TWNK: variants seen among roughly 807,000 people sequenced by gnomAD.
The protein encoded by TWNK is T7 gp4-like protein with intramitochondrial nucleoid localization.
Under a neutral mutation model 58.2 loss-of-function variants are expected in TWNK, and 36 were observed. That is an observed-to-expected ratio of 0.62 (90% CI 0.47 to 0.82). The LOEUF is 0.82. TWNK is among the 40% of genes least tolerant of loss of function. The pLI is 0.00. For missense variants in TWNK, 714 were observed against 881.0 expected (o/e 0.81, Z 2.40); for synonymous variants, 349 against 348.5 (o/e 1.00, Z -0.02).
Position 100,991,001 on chromosome 10 carries a change from C to T in TWNK, c.1725C>T (p.Gly575=), listed in dbSNP as rs887762493. The change falls in exon 4 of 5, where the codon GGC becomes GGT. Residue 575 remains glycine, a synonymous_variant. Transcript: ENST00000311916. ...DKELQTASIF[G]SAKASQEADN... is the part of the protein sequence containing the mutation. ...AACTGCAGACAGCGTCCATTTTTGG[C>T]TCAGCCAAAGTGAGTGGCCTTTAGC... The T allele has an allele frequency of 1.2e-6, 2 of 1,614,170 alleles. No individual in the cohort carries two copies. The highest frequency in any genetic ancestry group is 3.3e-5 in the Admixed American group (2 of 60,032).
Position 100,990,299 on chromosome 10 carries a change from C to A in TWNK, c.1485-137C>A, listed in dbSNP as rs939518828. On this transcript the variant is annotated intron_variant, in intron 2 of 4. Coordinates refer to ENST00000311916, the MANE Select transcript of TWNK (RefSeq NM_021830.5). ...CTGCACTCCAGCCTGGGCTACAGAG[C>A]AAGACCTTGTCTCAAATAATAGTAA... 1.4e-5 allele frequency: 11 copies of A among 776,244 alleles called. No homozygotes were observed. The African/African-American group carries it at 1.7e-4, about 12-fold the overall frequency. The allele number at this position is 776,244 out of a possible 1,614,324, so 48.1% of individuals were successfully genotyped here. A position where few individuals can be genotyped will look rare whatever the true frequency, so the allele number is the denominator to read the frequency against.
chr10:100,991,066 CA>C (rs1564810272), intron 4 of TWNK, 56 bp downstream of exon 4: 1 of 1,610,974 alleles, frequency 6.2e-7, no homozygotes, highest in East Asian at 2.2e-5. Context: ...TAGGTGTGAC[CA>C]GGGACAGCCC....
At chr10:100,990,267 C>G (rs962256455) in intron 2 of TWNK, among the ~76,000 whole-genome samples, 169 bp from the exon 3 acceptor site, 1 of 152,192 alleles carries the variant, frequency 6.6e-6, no homozygotes, top group Non-Finnish European at 1.5e-5. Flanking sequence ...GAGCTGTGAT[C>G]ACACCACTGC....
intron 4 of TWNK, among the ~76,000 whole-genome samples, chr10:100,992,490 C>CA (rs1232968891): frequency 2.3e-5 from 3 of 131,656 alleles, no homozygotes; most frequent in Non-Finnish European, 4.6e-5. Context: ...GCTGGGATTA[C>CA]AGGCGTGAGC....
Position 100,987,827 on chromosome 10 carries a change from C to T in TWNK, c.-384C>T. 1.7e-6 allele frequency: 1 copy of T among 588,536 alleles called. No homozygotes were observed. The highest frequency in any genetic ancestry group is 2.1e-5 in the South Asian group (1 of 46,534). 36.5% of individuals were successfully genotyped at this position (588,536 alleles called of 1,614,324 possible). A position where few individuals can be genotyped will look rare whatever the true frequency, so the allele number is the denominator to read the frequency against. ...GGGCAAAGGGACTACAAAAAGGATG[C>T]AGATGACTATAGAAATGAGGACGAC... On this transcript the variant is annotated 5_prime_UTR_variant, in exon 1 of 5. An upstream open reading frame in the 5' UTR gains an earlier in-frame stop. Transcript: ENST00000311916.
At chr10:100,991,241 T>G in intron 4 of TWNK, 1 of 602,274 alleles carries the variant, frequency 1.7e-6, no homozygotes, top group South Asian at 2.0e-5. Flanking sequence ...GGGGAAACAG[T>G]AAGACAGTGA....
rs766874202 is a variant in TWNK, at chr10:100,989,383, C to T, written c.1173C>T (p.Arg391=). 6.2e-7 allele frequency: 1 copy of T among 1,614,186 alleles called. No homozygotes were observed. Among genetic ancestry groups the T allele is most frequent in the Admixed American group, 1.7e-5 (1 of 60,034 alleles). ...LSNVEQAAGL[R]WSRFPDLNRI... ...ATGTGGAGCAAGCAGCTGGCCTCCGCTGGAGCCGCTTTCCAGACCTCAATC... is the reference window on the plus strand; with the variant it reads ...ATGTGGAGCAAGCAGCTGGCCTCCGTTGGAGCCGCTTTCCAGACCTCAATC... The change falls in exon 1 of 5, where the codon CGC becomes CGT. Residue 391 remains arginine (R), a synonymous_variant. Transcript: ENST00000311916. This position sits in a 1 kb window ranked among gnomAD's most constrained non-coding sequence, Gnocchi z 7.6.
In TWNK at chr10:100,987,778, A is replaced by G. The variant is rs1271535735; in HGVS notation, c.-433A>G. The G allele has an allele frequency of 1.5e-5, 9 of 582,106 alleles. No individual in the cohort carries two copies. 36.1% of individuals were successfully genotyped at this position (582,106 alleles called of 1,614,324 possible). A position where few individuals can be genotyped will look rare whatever the true frequency, so the allele number is the denominator to read the frequency against. On this transcript the variant is annotated 5_prime_UTR_variant, in exon 1 of 5. Transcript: ENST00000311916. ...TCCCAGTGAGGGGAAGGAGAAGCGG[A>G]AGAGGGTCTCTAGTCGGGGCCTAGG... is the stretch of plus-strand genomic sequence containing the variant.
At chr10:100,991,183 G>A in intron 4 of TWNK, 173 bp downstream of exon 4, 1 of 975,232 alleles carries the variant, frequency 1.0e-6, no homozygotes, top group Non-Finnish European at 1.5e-6. Flanking sequence ...AAGGCTGATA[G>A]TTGGTTCTTA....
rs978916544 is a variant in TWNK, at chr10:100,993,665, A to G, written c.*155A>G. ...CAGGTTTCCATAGTGAGAAAATTCA[A>G]TGTAGCAGACTACTGAGAAACTACT... On this transcript the variant is annotated 3_prime_UTR_variant, in exon 5 of 5. Coordinates refer to ENST00000311916, the MANE Select transcript of TWNK (RefSeq NM_021830.5). 30 of 803,216 alleles carry G rather than the reference A, an allele frequency of 3.7e-5. 1 individual carries two copies. The highest frequency in any genetic ancestry group is 3.1e-4 in the Middle Eastern group (1 of 3,278). 49.8% of individuals were successfully genotyped at this position (803,216 alleles called of 1,614,324 possible).
In TWNK at chr10:100,988,967, A is replaced by T. The variant is rs1851676734; in HGVS notation, c.757A>T (p.Ile253Phe). 6.2e-7 allele frequency: 1 copy of T among 1,613,980 alleles called. No homozygotes were observed. The highest frequency in any genetic ancestry group is 8.5e-7 in the Non-Finnish European group (1 of 1,180,026). The change falls in exon 1 of 5, where the codon ATT becomes TTT. Residue 253 changes from isoleucine (I) to phenylalanine (F), a missense_variant. By Grantham distance (21) the Ile-to-Phe change is conservative. Coordinates refer to ENST00000311916, the MANE Select transcript of TWNK (RefSeq NM_021830.5). The surrounding 1 kb of genome is among the most constrained non-coding windows in gnomAD (Gnocchi z 5.2). ...CCACAATCTGTTTGGATTACCACTG[A>T]TTAGTCGTCGAGATGCTGAGGTGGT... ...AYHNLFGLPL[I>F]SRRDAEVVLT...
rs80356544 is a variant in TWNK, at chr10:100,989,770, C to T, written c.1370C>T (p.Thr457Ile). ...SNVRLARVML[T>I]QFAEGRLEDQ... is the part of the protein sequence containing the mutation. Reference sequence around the variant, plus strand: ...GTGAGACTAGCCCGGGTCATGCTGACACAGTTTGCCGAGGGGCGGCTGGAA... The same window carrying T: ...GTGAGACTAGCCCGGGTCATGCTGATACAGTTTGCCGAGGGGCGGCTGGAA... The change falls in exon 2 of 5, where the codon ACA becomes ATA. Residue 457 changes from threonine to isoleucine, a missense_variant. Transcript: ENST00000311916. This position sits in a 1 kb window ranked among gnomAD's most constrained non-coding sequence, Gnocchi z 7.6. The T allele has an allele frequency of 1.2e-6, 2 of 1,614,118 alleles. No homozygotes were observed. Among genetic ancestry groups the T allele is most frequent in the Non-Finnish European group, 1.7e-6 (2 of 1,180,060 alleles).
At position 100,987,829 on chromosome 10, in the gene TWNK, G is replaced by A. The variant is rs118036649; in HGVS notation, c.-382G>A. On this transcript the variant is annotated 5_prime_UTR_variant, in exon 1 of 5. Coordinates refer to ENST00000311916, the MANE Select transcript of TWNK (RefSeq NM_021830.5). ...GCAAAGGGACTACAAAAAGGATGCA[G>A]ATGACTATAGAAATGAGGACGACGA... 3.9e-5 allele frequency: 23 copies of A among 590,706 alleles called. No homozygotes were observed. The highest frequency in any genetic ancestry group is 1.7e-4 in the East Asian group (6 of 35,732). 36.6% of individuals were successfully genotyped at this position (590,706 alleles called of 1,614,324 possible).
chr10:100,988,095 C>G lies in TWNK; in HGVS notation c.-116C>G. ...AAATTCATGGAGAGAAAGAATGCAC[C>G]TAGAGTGAGCTCTGCAGAGTGCTGC... is the stretch of plus-strand genomic sequence containing the variant. On this transcript the variant is annotated 5_prime_UTR_variant, in exon 1 of 5. Coordinates refer to ENST00000311916, the MANE Select transcript of TWNK (RefSeq NM_021830.5). This position sits in a 1 kb window ranked among gnomAD's most constrained non-coding sequence, Gnocchi z 5.2. The G allele has an allele frequency of 8.4e-7, 1 of 1,193,568 alleles. No homozygotes were observed. Among genetic ancestry groups the G allele is most frequent in the Non-Finnish European group, 1.2e-6 (1 of 801,062 alleles). 73.9% of individuals were successfully genotyped at this position (1,193,568 alleles called of 1,614,324 possible).
At chr10:100,993,054 G>C in intron 4 of TWNK, 136 bp from the exon 5 acceptor site, 2 of 912,502 alleles carry the variant, frequency 2.2e-6, no homozygotes, top group Middle Eastern at 3.3e-4. Context: ...CCAAAGTTCT[G>C]GGATTACAGG....
At position 100,993,258 on chromosome 10, in the gene TWNK, G is replaced by T. The variant is rs1474651111; in HGVS notation, c.1803G>T (p.Arg601=). The T allele has an allele frequency of 6.8e-6, 11 of 1,614,210 alleles. No homozygotes were observed. The highest frequency in any genetic ancestry group is 2.2e-5 in the East Asian group (1 of 44,890). The change falls in exon 5 of 5, where the codon CGG becomes CGT. Residue 601 remains arginine, a synonymous_variant. Transcript: ENST00000311916. ...DRKLVTGPGK[R]YLQVSKNRFD... is the part of the protein sequence containing the mutation. The stretch of plus-strand genomic sequence containing the variant: ...AGCTGGTAACCGGGCCAGGGAAACG[G>T]TATCTGCAGGTGTCCAAGAACCGCT...
In TWNK at chr10:100,988,951, G is replaced by A; in HGVS notation, c.741G>A (p.Leu247=). The change falls in exon 1 of 5, where the codon CTG becomes CTA. Residue 247 remains leucine, a synonymous_variant. Coordinates refer to ENST00000311916, the MANE Select transcript of TWNK (RefSeq NM_021830.5). The surrounding 1 kb of genome is among the most constrained non-coding windows in gnomAD (Gnocchi z 5.2). ...CCCGACCCAGCGCCTACCACAATCTGTTTGGATTACCACTGATTAGTCGTC... is the reference window on the plus strand; with the variant it reads ...CCCGACCCAGCGCCTACCACAATCTATTTGGATTACCACTGATTAGTCGTC... ...TIPRPSAYHN[L]FGLPLISRRD... is the part of the protein sequence containing the mutation. 1 of 1,614,166 alleles carries A rather than the reference G, an allele frequency of 6.2e-7. No homozygotes were observed. Among genetic ancestry groups the A allele is most frequent in the East Asian group, 2.2e-5 (1 of 44,888 alleles).
In TWNK at chr10:100,989,721, T is replaced by G. The variant is rs672601361; in HGVS notation, c.1321T>G (p.Trp441Gly). The G allele has an allele frequency of 2.5e-6, 4 of 1,614,008 alleles. No homozygotes were observed. The highest frequency in any genetic ancestry group is 3.4e-6 in the Non-Finnish European group (4 of 1,180,024). The stretch of plus-strand genomic sequence containing the variant: ...GTGTTCCCAGGGGGTGAACACACTG[T>G]GGGGTAGCTTCGAGATCAGCAATGT... The part of the protein sequence containing the change: ...DLCSQGVNTL[W>G]GSFEISNVRL... The change falls in exon 2 of 5, where the codon TGG becomes GGG. Residue 441 changes from tryptophan to glycine, a missense_variant. By Grantham distance (184) the Trp-to-Gly change is radical. This residue lies in a region of TWNK where 302 missense variants were observed against 438.6 expected (regional missense o/e 0.69). Transcript: ENST00000311916. This position sits in a 1 kb window ranked among gnomAD's most constrained non-coding sequence, Gnocchi z 7.6.
At position 100,990,014 on chromosome 10, in the gene TWNK, G is replaced by A. The variant is rs1047293874; in HGVS notation, c.1484+130G>A. On this transcript the variant is annotated intron_variant, in intron 2 of 4. Coordinates refer to ENST00000311916, the MANE Select transcript of TWNK (RefSeq NM_021830.5). ...AGGTTTGGAGTTTTTCAAAGAATGA[G>A]AGGGCAGGGCTGGACACACTGGCTC... 2.2e-5 allele frequency: 29 copies of A among 1,309,526 alleles called. No homozygotes were observed. The South Asian group carries it at 3.2e-4, about 15-fold the overall frequency. 81.1% of individuals were successfully genotyped at this position (1,309,526 alleles called of 1,614,324 possible).
Sources: gnomAD v4.1 joint callset for allele counts (sites outside exome capture counted in the v4.1 genomes callset) on GRCh38, gnomAD v4.1.1 for gene constraint, gnomAD v4.1.1 regional missense constraint, Gnocchi (gnomAD v3.1) non-coding constraint, MANE v1.5 for transcripts, NCBI Gene and HGNC (gene_info 2026-07-23, HGNC 2026-07-21) for gene names.